The following NSUN6 variants were observed in gnomAD, a reference collection of about 807,000 sequenced individuals.
NSUN6 encodes tRNA (cytosine(72)-C(5))-methyltransferase NSUN6.
Under a neutral mutation model 58.0 loss-of-function variants are expected in NSUN6, and 64 were observed. The ratio of observed to expected loss-of-function variants is 1.10; its 90% CI spans 0.90 to 1.36. The LOEUF is 1.36. Ranked by LOEUF, NSUN6 falls within the 40% of genes most tolerant of loss-of-function variation. The probability of loss-of-function intolerance (pLI) is 0.00; values close to 1 mark genes in which losing one functional copy is unlikely to be tolerated. For synonymous variants in NSUN6, 231 were observed against 193.9 expected, an observed-to-expected ratio of 1.19 and a Z score of -1.59; for missense variants, 701 against 550.1, an observed-to-expected ratio of 1.27 and a Z score of -2.74.
At chr10:18,642,656 G>A in intron 2 of NSUN6, 101 bp from the exon 3 acceptor site, 1 of 611,830 alleles carries the variant, frequency 1.6e-6, no homozygotes, top group Non-Finnish European at 2.9e-6. Context: ...TGAAGCCCTA[G>A]TAGCTCTGGG....
chr10:18,618,590 G>C (rs1177635716), intron 3 of NSUN6, among the ~76,000 whole-genome samples: 1 of 150,846 alleles, frequency 6.6e-6, no homozygotes, highest in African/African-American at 2.4e-5. Context: ...GCTGAGGCAG[G>C]AGAATCACTT....
At chr10:18,598,347 C>A (rs367792966) in intron 6 of NSUN6, among the ~76,000 whole-genome samples, 4 of 152,230 alleles carry the variant, frequency 2.6e-5, no homozygotes, top group African/African-American at 9.6e-5. Flanking sequence ...CCTTGCTGCT[C>A]ACACAAAGCC....
intron 9 of NSUN6, among the ~76,000 whole-genome samples, chr10:18,548,517 G>C (rs907442871): frequency 5.9e-5 from 9 of 152,098 alleles, no homozygotes; most frequent in African/African-American, 2.2e-4. Flanking sequence ...TTTTTATGCT[G>C]AAAACTCACA....
intron 3 of NSUN6, among the ~76,000 whole-genome samples, chr10:18,623,421 T>C (rs532554764): frequency 6.6e-6 from 1 of 152,314 alleles, no homozygotes; most frequent in African/African-American, 2.4e-5. Context: ...ATTGCGATGA[T>C]GAGAAAAAAT....
intron 8 of NSUN6, among the ~76,000 whole-genome samples, chr10:18,576,076 C>T (rs1018519487): frequency 2.0e-4 from 31 of 152,172 alleles, no homozygotes; most frequent in African/African-American, 7.2e-4. Flanking sequence ...CAAGAAAGCG[C>T]TGCCCCATCC....
chr10:18,574,021 T>A (rs1230398516), intron 8 of NSUN6, among the ~76,000 whole-genome samples: 1 of 152,104 alleles, frequency 6.6e-6, no homozygotes, highest in Admixed American at 6.6e-5. Context: ...GGCTCATAAC[T>A]GCCCCTGTTT....
Position 18,614,349 on chromosome 10 carries a change from T to C in NSUN6, c.575+111A>G, listed in dbSNP as rs556312389. On this transcript the variant is annotated intron_variant, in intron 5 of 10. Coordinates refer to ENST00000377304, the MANE Select transcript of NSUN6 (RefSeq NM_182543.5). Reference sequence around the variant, plus strand: ...AACAATTTTTTTCCAGTTGGATTTATACCAAAAAAAAAAATTTCATATAAT... The same window carrying C: ...AACAATTTTTTTCCAGTTGGATTTACACCAAAAAAAAAAATTTCATATAAT... 6.7e-4 allele frequency: 264 copies of C among 392,840 alleles called. 1 individual carries two copies. Among genetic ancestry groups the C allele is most frequent in the East Asian group, 3.0e-3 (72 of 23,760 alleles). 24.3% of individuals were successfully genotyped at this position (392,840 alleles called of 1,614,324 possible).
chr10:18,633,494 T>A (rs1027003393), intron 3 of NSUN6, among the ~76,000 whole-genome samples: 1 of 152,182 alleles, frequency 6.6e-6, no homozygotes, highest in African/African-American at 2.4e-5. Context: ...GAAACAGCTA[T>A]AATCCCGATG....
upstream of NSUN6, chr10:18,654,882 AAAAT>A (rs1289680239): frequency 9.9e-5 from 18 of 182,118 alleles, no homozygotes; most frequent in Admixed American, 9.8e-4. Flanking sequence ...AAAAAATAAA[AAAAT>A]AAATAAAATT....
intron 8 of NSUN6, among the ~76,000 whole-genome samples, chr10:18,577,225 T>C (rs1027050494): frequency 6.6e-6 from 1 of 152,150 alleles, no homozygotes; most frequent in Non-Finnish European, 1.5e-5. Context: ...GTTTGATTCA[T>C]AATTAAAACT....
At chr10:18,561,651 A>AAATGG (rs1208506890) in intron 8 of NSUN6, among the ~76,000 whole-genome samples, 1 of 146,854 alleles carries the variant, frequency 6.8e-6, no homozygotes, top group Non-Finnish European at 1.5e-5. Flanking sequence ...ATGGTATGGA[A>AAATGG]AATGGAATGG....
At chr10:18,628,628 T>C (rs1225476627) in intron 3 of NSUN6, among the ~76,000 whole-genome samples, 2 of 152,054 alleles carry the variant, frequency 1.3e-5, no homozygotes, top group Non-Finnish European at 2.9e-5. Flanking sequence ...CAGGAGCCAA[T>C]GTGATCAACT....
At chr10:18,579,363 G>A (rs2056805715) in intron 8 of NSUN6, among the ~76,000 whole-genome samples, 2 of 151,970 alleles carry the variant, frequency 1.3e-5, no homozygotes, top group African/African-American at 4.8e-5. Context: ...GTAGAGACAG[G>A]GTTTCACCGT....
chr10:18,647,771 A>C (rs557866825), intron 2 of NSUN6, among the ~76,000 whole-genome samples: 1 of 115,604 alleles, frequency 8.7e-6, no homozygotes, highest in East Asian at 2.8e-4. Context: ...GTCTCATTCC[A>C]TCGCCCAGGC....
At position 18,557,419 on chromosome 10, in the gene NSUN6, GGAATGGAATGGA is replaced by G. The variant is rs2055115991; in HGVS notation, c.923-5460_923-5449del. On this transcript the variant is annotated intron_variant, in intron 8 of 10. Transcript: ENST00000377304. ...GGGAGCATGGAATGGAATGGAGAAT[GGAATGGAATGGA>G]GAATGGAATGAAATGGAATGGAGAA... Among the ~76,000 whole-genome samples the G allele has an allele frequency of 5.3e-5, 8 of 150,180 alleles. No homozygotes were observed. The South Asian group carries it at 1.7e-3, about 32-fold the overall frequency.
intron 8 of NSUN6, among the ~76,000 whole-genome samples, chr10:18,575,914 C>T (rs545393605): frequency 1.1e-4 from 16 of 152,170 alleles, no homozygotes; most frequent in African/African-American, 3.4e-4. Context: ...CTTAGAGTTC[C>T]GGGTGCATCA....
intron 3 of NSUN6, among the ~76,000 whole-genome samples, chr10:18,627,232 G>A (rs1391341895): frequency 6.6e-6 from 1 of 152,106 alleles, no homozygotes; most frequent in African/African-American, 2.4e-5. Flanking sequence ...GTAAACTGAA[G>A]AAACCAGTAA....
At chr10:18,566,177 T>TCTATTCCATTCTCCATTCTAC (rs2055921452) in intron 8 of NSUN6, among the ~76,000 whole-genome samples, 3 of 94,840 alleles carry the variant, frequency 3.2e-5, no homozygotes, top group South Asian at 3.3e-4. Flanking sequence ...CTCCATTCCA[T>TCTATTCCATTCTCCATTCTAC]TCTATTCCAT....
intron 7 of NSUN6, among the ~76,000 whole-genome samples, chr10:18,593,042 G>A (rs568395012): frequency 2.6e-5 from 4 of 152,188 alleles, no homozygotes; most frequent in South Asian, 4.1e-4. Flanking sequence ...AAAAGTGGAC[G>A]AAGGATATGA....
Sources: allele counts gnomAD v4.1 joint callset (sites outside exome capture counted in the v4.1 genomes callset), GRCh38; gene constraint gnomAD v4.1.1; transcripts MANE v1.5; gene names NCBI Gene and HGNC (gene_info 2026-07-23, HGNC 2026-07-21).